The following PDE1C variants were observed in gnomAD, a reference collection of about 807,000 sequenced individuals.
The protein encoded by PDE1C is dual specificity calcium/calmodulin-dependent 3',5'-cyclic nucleotide phosphodiesterase 1C.
Under a neutral mutation model 93.1 loss-of-function variants are expected in PDE1C, and 62 were observed. That is an observed-to-expected ratio of 0.67 (90% CI 0.54 to 0.82). The LOEUF (loss-of-function observed/expected upper bound fraction) is 0.82. Among genes scored for constraint, PDE1C ranks in the 40% least tolerant of loss-of-function variants. PDE1C has a pLI of 0.00. For synonymous variants in PDE1C, 325 were observed against 310.1 expected, an observed-to-expected ratio of 1.05 and a Z score of -0.50; for missense variants, 742 against 884.6, an observed-to-expected ratio of 0.84 and a Z score of 2.04.
At chr7:31,799,598 T>C (rs985972512) in intron 16 of PDE1C, among the ~76,000 whole-genome samples, 1 of 151,676 alleles carries the variant, frequency 6.6e-6, no homozygotes, top group African/African-American at 2.4e-5. Flanking sequence ...AACACATACA[T>C]TTCTTCAGGT....
rs1414464033 is a variant in PDE1C, at chr7:32,298,796, C to A, written c.-61G>T. On this transcript the variant is annotated 5_prime_UTR_variant, in exon 1 of 19. Coordinates refer to the PDE1C transcript ENST00000396193. ...CCAGCGGCGTCTGCGGTCCCCCCCA[C>A]GGCGGAGTGAGCAGCCCGGGGCTCG... The A allele has an allele frequency of 3.3e-6, 5 of 1,535,564 alleles. No individual in the cohort carries two copies. In the South Asian group the frequency reaches 3.6e-5, roughly 11 times the overall value.
At chr7:32,249,273 T>A (rs1435244284) in intron 1 of PDE1C, among the ~76,000 whole-genome samples, 2 of 151,688 alleles carry the variant, frequency 1.3e-5, no homozygotes, top group Non-Finnish European at 2.9e-5. Context: ...CTGCAGGGGG[T>A]GCTTCTAAAT....
chr7:31,804,579 A>G (rs1240196038), intron 16 of PDE1C, among the ~76,000 whole-genome samples: 2 of 151,906 alleles, frequency 1.3e-5, no homozygotes, highest in Non-Finnish European at 2.9e-5. Flanking sequence ...TTGCATTGAT[A>G]GAAGATTTCA....
upstream of PDE1C, chr7:32,071,393 G>A (rs1270353286): frequency 1.0e-6 from 1 of 985,406 alleles, no homozygotes; most frequent in African/African-American, 1.7e-5. Context: ...TGGGGACGAA[G>A]GGAACCACAC....
intron 1 of PDE1C, among the ~76,000 whole-genome samples, chr7:32,282,666 C>T (rs1183640203): frequency 1.2e-3 from 175 of 147,218 alleles, no homozygotes; most frequent in African/African-American, 4.1e-3. Context: ...ACTGCAAGTC[C>T]GCCTCCTGGG....
At chr7:31,640,414 T>C in the PDE1C span, among the ~76,000 whole-genome samples, 30,200 of 152,122 alleles carry the variant, frequency 0.2, 3,557 homozygotes, top group East Asian at 0.44. Flanking sequence ...CTCCTTCCTC[T>C]CCTCTGTGTG....
At chr7:31,887,157 T>A (rs1312598823) in intron 2 of PDE1C, among the ~76,000 whole-genome samples, 1 of 152,182 alleles carries the variant, frequency 6.6e-6, no homozygotes, top group Non-Finnish European at 1.5e-5. Flanking sequence ...ATACTCTCTC[T>A]CACATGATGG....
At chr7:32,006,787 C>T (rs73686890) in intron 2 of PDE1C, among the ~76,000 whole-genome samples, 5,788 of 152,162 alleles carry the variant, frequency 0.038, 374 homozygotes, top group African/African-American at 0.13. Context: ...AAATTGTGGC[C>T]CATGAAGCCA....
intron 2 of PDE1C, among the ~76,000 whole-genome samples, chr7:31,974,964 C>T (rs186178572): frequency 2.1e-3 from 325 of 152,236 alleles, no homozygotes; most frequent in African/African-American, 7.4e-3. Flanking sequence ...GAACAAAGGC[C>T]GAGTTCATGA....
At chr7:32,260,187 T>A (rs1810097432) in intron 1 of PDE1C, among the ~76,000 whole-genome samples, 1 of 152,160 alleles carries the variant, frequency 6.6e-6, no homozygotes, top group South Asian at 2.1e-4. Flanking sequence ...AAATGAGAGT[T>A]AAAGTCACAG....
chr7:31,778,272 C>T (rs1204235822), intron 16 of PDE1C, among the ~76,000 whole-genome samples: 1 of 152,102 alleles, frequency 6.6e-6, no homozygotes, highest in African/African-American at 2.4e-5. Context: ...ACAAATAGGC[C>T]CCATTAGGAG....
At chr7:31,781,227 C>T (rs891356917) in intron 16 of PDE1C, among the ~76,000 whole-genome samples, 4 of 152,152 alleles carry the variant, frequency 2.6e-5, no homozygotes, top group African/African-American at 9.7e-5. Flanking sequence ...CAAATAATTT[C>T]CCTTCTGCAA....
intron 2 of PDE1C, among the ~76,000 whole-genome samples, chr7:32,202,850 C>T (rs1159282348): frequency 6.6e-6 from 1 of 152,166 alleles, no homozygotes; most frequent in African/African-American, 2.4e-5. Context: ...GAAAACTTAA[C>T]ATGAGAGCTA....
chr7:31,670,631 C>T, the PDE1C span, among the ~76,000 whole-genome samples: 1 of 152,184 alleles, frequency 6.6e-6, no homozygotes, highest in South Asian at 2.1e-4. Context: ...CAAGTCCTGT[C>T]TCTAAACTGG....
chr7:32,030,202 A>T (rs552492448), intron 2 of PDE1C, among the ~76,000 whole-genome samples: 12 of 152,044 alleles, frequency 7.9e-5, no homozygotes, highest in Non-Finnish European at 1.5e-4. Context: ...ATCAAAGAAG[A>T]CTGGACACTT....
At chr7:32,167,575 G>A (rs1482326505) in intron 3 of PDE1C, among the ~76,000 whole-genome samples, 3 of 152,232 alleles carry the variant, frequency 2.0e-5, no homozygotes, top group East Asian at 1.9e-4. Flanking sequence ...CAGGATAAGC[G>A]ATGATTCTTG....
rs1012204027 is a variant in PDE1C at position 32,172,059 on chromosome 7, CAT to C, written c.137-2105_137-2104del. ...CATAAAAATAAAAGTAAATAAAAAT[CAT>C]AAATAAATCATATATAATTAATTAA... is the stretch of plus-strand genomic sequence containing the variant. On this transcript the variant is annotated intron_variant, in intron 2 of 18. Transcript: ENST00000396193. 4.6e-5 allele frequency among the ~76,000 whole-genome samples: 7 copies of C among 151,306 alleles called. No homozygotes were observed. In the East Asian group the frequency reaches 1.4e-3, roughly 29 times the overall value.
In PDE1C at chr7:31,967,028, C is replaced by A. The variant is rs552542013; in HGVS notation, c.128+84526G>T. Among the ~76,000 whole-genome samples, 1,180 of 151,942 alleles carry A rather than the reference C, an allele frequency of 7.8e-3. 9 individuals are homozygous for A. Among genetic ancestry groups the A allele is most frequent in the African/African-American group, 0.027 (1,124 of 41,370 alleles). On this transcript the variant is annotated intron_variant, in intron 2 of 17. Transcript: ENST00000396191. The stretch of plus-strand genomic sequence containing the variant: ...AGCAGGAACGATCCAAAATTGACAC[C>A]CTAACATCAAAATTAAAAGAACTAG...
chr7:31,681,387 GGATGGAT>G, the PDE1C span, among the ~76,000 whole-genome samples: 6 of 150,180 alleles, frequency 4.0e-5, no homozygotes, highest in African/African-American at 9.8e-5. Flanking sequence ...ATGGATGGAT[GGATGGAT>G]GGATGGATGG....
Sources: allele counts gnomAD v4.1 joint callset (sites outside exome capture counted in the v4.1 genomes callset), GRCh38; gene constraint gnomAD v4.1.1; transcripts MANE v1.5; gene names NCBI Gene and HGNC (gene_info 2026-07-23, HGNC 2026-07-21).